The following SH3GL2 variants were observed in gnomAD, a reference collection of about 807,000 sequenced individuals.
The protein encoded by SH3GL2 is SH3 domain containing GRB2 like 2, endophilin A1, also known as endophilin-A1.
SH3GL2 carries 24 observed loss-of-function variants against 46.0 expected under a neutral mutation model. The ratio of observed to expected loss-of-function variants is 0.52; its 90% CI spans 0.38 to 0.73. SH3GL2 has a LOEUF of 0.73. SH3GL2 is among the 30% of genes least tolerant of loss of function. The pLI, the probability that SH3GL2 is intolerant of heterozygous loss-of-function variation, is 0.00. For missense variants in SH3GL2, 413 were observed against 424.2 expected (o/e 0.97, Z 0.23); for synonymous variants, 196 against 147.1 (o/e 1.33, Z -2.40).
At chr9:17,629,339 A>G (rs1052978044) in intron 1 of SH3GL2, among the ~76,000 whole-genome samples, 1 of 152,216 alleles carries the variant, frequency 6.6e-6, no homozygotes, top group Non-Finnish European at 1.5e-5. Flanking sequence ...TTGTGAGATC[A>G]CGTCTGTGAG....
intron 1 of SH3GL2, among the ~76,000 whole-genome samples, chr9:17,676,688 G>C (rs149411063): frequency 2.0e-5 from 3 of 152,034 alleles, no homozygotes; most frequent in Admixed American, 1.3e-4. Context: ...CCTGAAAGTG[G>C]CATTTTGCTA....
chr9:17,674,529 G>T (rs1387111994), intron 1 of SH3GL2, among the ~76,000 whole-genome samples: 1 of 152,154 alleles, frequency 6.6e-6, no homozygotes, highest in East Asian at 1.9e-4. Flanking sequence ...GCCTCCCAAA[G>T]TGCTGGGATT....
intron 1 of SH3GL2, among the ~76,000 whole-genome samples, chr9:17,623,400 T>C (rs1819204111): frequency 6.6e-6 from 1 of 152,086 alleles, no homozygotes; most frequent in Non-Finnish European, 1.5e-5. Flanking sequence ...TTAGATTCTA[T>C]ATAGGGTAGT....
intron 2 of SH3GL2, among the ~76,000 whole-genome samples, chr9:17,748,346 A>G (rs73642207): frequency 0.048 from 7,344 of 152,248 alleles, 556 homozygotes; most frequent in African/African-American, 0.16. Flanking sequence ...CCTAGAAACC[A>G]CATTTAAACA....
intron 1 of SH3GL2, among the ~76,000 whole-genome samples, chr9:17,733,448 A>G (rs542406175): frequency 7.2e-5 from 11 of 152,016 alleles, no homozygotes; most frequent in African/African-American, 1.4e-4. Flanking sequence ...TAGAATGGCA[A>G]TCATTAAAAA....
intron 1 of SH3GL2, among the ~76,000 whole-genome samples, chr9:17,693,733 C>G (rs1457967321): frequency 1.3e-5 from 2 of 152,190 alleles, no homozygotes; most frequent in African/African-American, 4.8e-5. Flanking sequence ...CTCCAGTTCT[C>G]TGCTGGATGA....
At chr9:17,685,889 C>T (rs868200845) in intron 1 of SH3GL2, among the ~76,000 whole-genome samples, 31 of 152,094 alleles carry the variant, frequency 2.0e-4, no homozygotes, top group African/African-American at 7.0e-4. Context: ...TGGGCAAGGA[C>T]TTCATGTCTA....
At chr9:17,766,893 A>T (rs1823334243) in intron 3 of SH3GL2, among the ~76,000 whole-genome samples, 2 of 152,250 alleles carry the variant, frequency 1.3e-5, no homozygotes, top group African/African-American at 4.8e-5. Flanking sequence ...TTCAATAGAG[A>T]AATGGATTCT....
chr9:17,736,042 C>T (rs749318874), intron 1 of SH3GL2, among the ~76,000 whole-genome samples: 1 of 151,992 alleles, frequency 6.6e-6, no homozygotes, highest in South Asian at 2.1e-4. Flanking sequence ...GGAAGTCAGC[C>T]CCAGTGCAGG....
At chr9:17,634,420 A>G (rs1819498302) in intron 1 of SH3GL2, among the ~76,000 whole-genome samples, 1 of 152,168 alleles carries the variant, frequency 6.6e-6, no homozygotes, top group African/African-American at 2.4e-5. Flanking sequence ...TGATGAAGTA[A>G]AATATGTTGG....
At chr9:17,707,416 T>C (rs915864022) in intron 1 of SH3GL2, among the ~76,000 whole-genome samples, 11 of 152,056 alleles carry the variant, frequency 7.2e-5, no homozygotes, top group African/African-American at 2.7e-4. Context: ...CCATTATCTT[T>C]TATGTGTTTG....
At chr9:17,618,847 AAGG>A (rs1819066005) in intron 1 of SH3GL2, among the ~76,000 whole-genome samples, 1 of 151,684 alleles carries the variant, frequency 6.6e-6, no homozygotes, top group Admixed American at 6.6e-5. Context: ...TAATAGAAGA[AAGG>A]AGAGAGGAGA....
intron 1 of SH3GL2, among the ~76,000 whole-genome samples, chr9:17,733,104 C>T (rs1476441422): frequency 6.6e-6 from 1 of 152,092 alleles, no homozygotes; most frequent in Non-Finnish European, 1.5e-5. Flanking sequence ...TTTAATTCTA[C>T]AGTGATTCTT....
At chr9:17,612,803 C>G (rs906011349) in intron 1 of SH3GL2, among the ~76,000 whole-genome samples, 6 of 150,926 alleles carry the variant, frequency 4.0e-5, no homozygotes, top group Admixed American at 6.6e-5. Flanking sequence ...GAAAGAAACC[C>G]CATACCTATA....
chr9:17,767,930 T>G (rs1201023885), intron 3 of SH3GL2, among the ~76,000 whole-genome samples: 1 of 152,148 alleles, frequency 6.6e-6, no homozygotes, highest in Non-Finnish European at 1.5e-5. Context: ...TTCTACATCT[T>G]TGGGGAAAAT....
At chr9:17,634,577 A>AT (rs1401600819) in intron 1 of SH3GL2, among the ~76,000 whole-genome samples, 1 of 152,158 alleles carries the variant, frequency 6.6e-6, no homozygotes, top group African/African-American at 2.4e-5. Flanking sequence ...CTACTACTAA[A>AT]TTTTTTGACT....
At chr9:17,616,964 C>T (rs1588176150) in intron 1 of SH3GL2, among the ~76,000 whole-genome samples, 1 of 152,282 alleles carries the variant, frequency 6.6e-6, no homozygotes, top group South Asian at 2.1e-4. Context: ...GTTACTGTTA[C>T]CATGTTTTCC....
intron 7 of SH3GL2, 94 bp downstream of exon 7, chr9:17,791,428 A>C (rs1189507019): frequency 1.3e-5 from 12 of 917,314 alleles, no homozygotes; most frequent in Non-Finnish European, 1.6e-5. Flanking sequence ...TTGGAGACAA[A>C]CGTCTGCCAA....
chr9:17,748,330 A>G lies in SH3GL2; in HGVS notation c.114+1196A>G, dbSNP rs554870950. On this transcript the variant is annotated intron_variant, in intron 2 of 8. Transcript: ENST00000380607. ...TGAACAGAAGAGGATGTTGCAAACT[A>G]TGGTACCTAGAAACCACATTTAAAC... Among the ~76,000 whole-genome samples, 7 of 152,298 alleles carry G rather than the reference A, an allele frequency of 4.6e-5. 1 individual carries two copies. In the South Asian group the frequency reaches 1.0e-3, roughly 23 times the overall value.
Sources: gnomAD v4.1 joint callset for allele counts (sites outside exome capture counted in the v4.1 genomes callset) on GRCh38, gnomAD v4.1.1 for gene constraint, MANE v1.5 for transcripts, NCBI Gene and HGNC (gene_info 2026-07-23, HGNC 2026-07-21) for gene names.